NRGN: variants seen among roughly 807,000 people sequenced by gnomAD.
NRGN encodes the protein neurogranin, also known as calmodulin-binding protein.
For missense variants in NRGN, 82 were observed against 123.0 expected, an observed-to-expected ratio of 0.67 and a Z score of 1.58; for synonymous variants, 47 against 52.8, an observed-to-expected ratio of 0.89 and a Z score of 0.47.
rs745648248 is a variant in NRGN, at chr11:124,747,022, A to T, written c.*642A>T. ...GGCAGCCTCTCCAGCTCTCTTGTTTATGCAAACGCCGAGCGCCTGGGAGGC... is the reference window on the plus strand; with the variant it reads ...GGCAGCCTCTCCAGCTCTCTTGTTTTTGCAAACGCCGAGCGCCTGGGAGGC... On this transcript the variant is annotated 3_prime_UTR_variant, in exon 4 of 4. Coordinates refer to ENST00000284292, the MANE Select transcript of NRGN (RefSeq NM_006176.3). The T allele has an allele frequency of 3.3e-5, 5 of 152,922 alleles. No individual in the cohort carries two copies. The highest frequency in any genetic ancestry group is 1.2e-4 in the African/African-American group (5 of 41,336). The allele number at this position is 152,922 out of a possible 1,614,324, so 9.5% of individuals were successfully genotyped here. A position where few individuals can be genotyped will look rare whatever the true frequency, so the allele number is the denominator to read the frequency against.
chr11:124,747,015 CTT>C lies in NRGN; in HGVS notation c.*636_*637del, dbSNP rs1414531704. 6.5e-6 allele frequency: 1 copy of C among 153,168 alleles called. No homozygotes were observed. Among genetic ancestry groups the C allele is most frequent in the African/African-American group, 2.4e-5 (1 of 41,456 alleles). The allele number at this position is 153,168 out of a possible 1,614,324, so 9.5% of individuals were successfully genotyped here. ...TGTTGAGGGCAGCCTCTCCAGCTCT[CTT>C]GTTTATGCAAACGCCGAGCGCCTGG... On this transcript the variant is annotated 3_prime_UTR_variant, in exon 4 of 4. Coordinates refer to ENST00000284292, the MANE Select transcript of NRGN (RefSeq NM_006176.3).
chr11:124,745,141 G>A lies in NRGN; in HGVS notation c.16-362G>A, dbSNP rs1335823615. Among the ~76,000 whole-genome samples the A allele has an allele frequency of 1.3e-5, 2 of 151,998 alleles. No homozygotes were observed. Among genetic ancestry groups the A allele is most frequent in the East Asian group, 3.9e-4 (2 of 5,160 alleles). ...ACCCTCTGAGAGCAGGGGGACAGGC[G>A]GCCACTCCAGGAGTGCCTGCTGCTG... is the stretch of plus-strand genomic sequence containing the variant. On this transcript the variant is annotated intron_variant, in intron 1 of 3. Coordinates refer to ENST00000284292, the MANE Select transcript of NRGN (RefSeq NM_006176.3). This position sits in a 1 kb window ranked among gnomAD's most constrained non-coding sequence, Gnocchi z 6.4.
Position 124,740,118 on chromosome 11 carries a change from G to T in NRGN, c.15+19G>T. On this transcript the variant is annotated intron_variant, in intron 1 of 3. Coordinates refer to ENST00000284292, the MANE Select transcript of NRGN (RefSeq NM_006176.3). This position sits in a 1 kb window ranked among gnomAD's most constrained non-coding sequence, Gnocchi z 7.5. ...CTGCACCGTAAGTTAGAGGGCCCGGGGGAGGGGCACTTGGCGGGGTCCGCT... is the reference window on the plus strand; with the variant it reads ...CTGCACCGTAAGTTAGAGGGCCCGGTGGAGGGGCACTTGGCGGGGTCCGCT... The T allele has an allele frequency of 7.5e-7, 1 of 1,338,290 alleles. No individual in the cohort carries two copies. The highest frequency in any genetic ancestry group is 9.6e-7 in the Non-Finnish European group (1 of 1,036,698). The allele number at this position is 1,338,290 out of a possible 1,614,324, so 82.9% of individuals were successfully genotyped here.
intron 1 of NRGN, among the ~76,000 whole-genome samples, chr11:124,743,716 G>C (rs1238211910): frequency 1.3e-5 from 2 of 151,988 alleles, no homozygotes; most frequent in South Asian, 2.1e-4. Context: ...GTGGTCCTGG[G>C]GCAGAATCTG....
At position 124,740,001 on chromosome 11, in the gene NRGN, C is replaced by A. The variant is rs1565436584; in HGVS notation, c.-84C>A. On this transcript the variant is annotated 5_prime_UTR_variant, in exon 1 of 4. Transcript: ENST00000284292. The surrounding 1 kb of genome is among the most constrained non-coding windows in gnomAD (Gnocchi z 7.5). ...GCGGGTCGGCTGGCGGCCGACTGCC[C>A]CAGAGCCCCCACCCGGCACCACACA... 2 of 606,600 alleles carry A rather than the reference C, an allele frequency of 3.3e-6. No homozygotes were observed. Among genetic ancestry groups the A allele is most frequent in the Non-Finnish European group, 2.6e-6 (1 of 384,358 alleles). 37.6% of individuals were successfully genotyped at this position (606,600 alleles called of 1,614,324 possible).
chr11:124,743,902 G>GAAAAAAAAA (rs56291708), intron 1 of NRGN, among the ~76,000 whole-genome samples: 19 of 134,940 alleles, frequency 1.4e-4, no homozygotes, highest in South Asian at 4.6e-4. Context: ...TTCATGAAAA[G>GAAAAAAAAA]AAAAAAAAAA....
chr11:124,744,323 T>TTATG (rs1401803515), intron 1 of NRGN, among the ~76,000 whole-genome samples: 1 of 152,242 alleles, frequency 6.6e-6, no homozygotes, highest in Admixed American at 6.5e-5. Context: ...GCAAGAGACT[T>TTATG]TATGCATATC....
chr11:124,741,986 T>C (rs566359637), intron 1 of NRGN, among the ~76,000 whole-genome samples: 1 of 152,194 alleles, frequency 6.6e-6, no homozygotes, highest in African/African-American at 2.4e-5. Context: ...TACACAATTA[T>C]CTCCATGGCC....
In NRGN at chr11:124,739,989, C is replaced by T. The variant is rs934719296; in HGVS notation, c.-96C>T. ...TGCTGTTTCGGCGCGGGTCGGCTGG[C>T]GGCCGACTGCCCCAGAGCCCCCACC... On this transcript the variant is annotated 5_prime_UTR_variant, in exon 1 of 4. Transcript: ENST00000284292. The T allele has an allele frequency of 5.4e-5, 29 of 535,058 alleles. No individual in the cohort carries two copies. The highest frequency in any genetic ancestry group is 1.0e-3 in the Middle Eastern group (2 of 1,940). 33.1% of individuals were successfully genotyped at this position (535,058 alleles called of 1,614,324 possible).
intron 3 of NRGN, 127 bp downstream of exon 3, chr11:124,746,109 G>A (rs1463166462): frequency 1.2e-5 from 2 of 172,282 alleles, no homozygotes; most frequent in Admixed American, 6.3e-5. Flanking sequence ...TGCCCCTGCG[G>A]GTTTTCTGAT....
In NRGN at chr11:124,745,654, C is replaced by T. The variant is rs371189299; in HGVS notation, c.167C>T (p.Pro56Leu). Residue 56 changes from proline (P) to leucine (L), a missense_variant, in exon 2 of 4, where the codon CCG becomes CTG. By Grantham distance (98) the Pro-to-Leu change is moderately conservative. Transcript: ENST00000284292. The surrounding 1 kb of genome is among the most constrained non-coding windows in gnomAD (Gnocchi z 6.4). ...AGCGGAGAGCGCGGCCGGAAGGGCC[C>T]GGGCCCTGGGGGGCCTGGCGGAGCT... Reference protein sequence around the residue: ...IKSGERGRKGPGPGGPGGAGV... With the variant: ...IKSGERGRKGLGPGGPGGAGV... 13 of 1,539,440 alleles carry T rather than the reference C, an allele frequency of 8.4e-6. No homozygotes were observed. The highest frequency in any genetic ancestry group is 7.1e-5 in the African/African-American group (5 of 70,738).
In NRGN at chr11:124,740,481, C is replaced by G. The variant is rs1943958233; in HGVS notation, c.15+382C>G. ...GACTCCTTCCTCCCGTCTTTCGGCC[C>G]CCACCCCGTTCCCCATCCCACTGCG... On this transcript the variant is annotated intron_variant, in intron 1 of 3. Coordinates refer to ENST00000284292, the MANE Select transcript of NRGN (RefSeq NM_006176.3). This position sits in a 1 kb window ranked among gnomAD's most constrained non-coding sequence, Gnocchi z 7.5. Among the ~76,000 whole-genome samples the G allele has an allele frequency of 6.6e-6, 1 of 152,240 alleles. No individual in the cohort carries two copies. Among genetic ancestry groups the G allele is most frequent in the Non-Finnish European group, 1.5e-5 (1 of 68,040 alleles).
rs1214948424 is a variant in NRGN, at chr11:124,745,943, G to GC, written c.*6-18dup. On this transcript the variant is annotated intron_variant, in intron 2 of 3. Transcript: ENST00000284292. This position sits in a 1 kb window ranked among gnomAD's most constrained non-coding sequence, Gnocchi z 6.4. ...TTTCTCCCTCTGCATCCTCCCTTCTGCCCCGCCCTGGACCGAAGAAGAACT... is the reference window on the plus strand; with the variant it reads ...TTTCTCCCTCTGCATCCTCCCTTCTGCCCCCGCCCTGGACCGAAGAAGAACT... 5 of 366,054 alleles carry GC rather than the reference G, an allele frequency of 1.4e-5. No individual in the cohort carries two copies. The highest frequency in any genetic ancestry group is 4.9e-6 in the Non-Finnish European group (1 of 205,864). 22.7% of individuals were successfully genotyped at this position (366,054 alleles called of 1,614,324 possible).
chr11:124,744,307 G>A (rs991371094), intron 1 of NRGN, among the ~76,000 whole-genome samples: 1 of 152,256 alleles, frequency 6.6e-6, no homozygotes, highest in African/African-American at 2.4e-5. Flanking sequence ...TGAGCAGCTA[G>A]GTTGTGCAAG....
chr11:124,745,754 C>CT lies in NRGN; in HGVS notation c.*5+26dup, dbSNP rs1333556169. ...GGTGAGGCGGGCGGCGCGCGGCTGGCTGACAGCTGCCCTTCCCCAGCCCTC... is the reference window on the plus strand; with the variant it reads ...GGTGAGGCGGGCGGCGCGCGGCTGGCTTGACAGCTGCCCTTCCCCAGCCCTC... On this transcript the variant is annotated intron_variant, in intron 2 of 3. Transcript: ENST00000284292. This position sits in a 1 kb window ranked among gnomAD's most constrained non-coding sequence, Gnocchi z 6.4. The CT allele has an allele frequency of 4.1e-6, 5 of 1,211,224 alleles. No homozygotes were observed. Among genetic ancestry groups the CT allele is most frequent in the Non-Finnish European group, 5.3e-6 (5 of 943,302 alleles). The allele number at this position is 1,211,224 out of a possible 1,614,324, so 75.0% of individuals were successfully genotyped here. A position where few individuals can be genotyped will look rare whatever the true frequency, so the allele number is the denominator to read the frequency against.
At chr11:124,744,431 C>T (rs189081172) in intron 1 of NRGN, among the ~76,000 whole-genome samples, 3 of 152,084 alleles carry the variant, frequency 2.0e-5, no homozygotes, top group African/African-American at 4.8e-5. Flanking sequence ...GATAACTTGC[C>T]GAAGGCCACA....
In NRGN at chr11:124,745,408, C is replaced by A; in HGVS notation, c.16-95C>A. On this transcript the variant is annotated intron_variant, in intron 1 of 3. Transcript: ENST00000284292. This position sits in a 1 kb window ranked among gnomAD's most constrained non-coding sequence, Gnocchi z 6.4. The stretch of plus-strand genomic sequence containing the variant: ...CTCTCTGTACCTCCCACCCCCGCGT[C>A]GCCATAGTCCCTGTCCCTCAGGGCT... 1.2e-6 allele frequency: 1 copy of A among 836,696 alleles called. No individual in the cohort carries two copies. The allele number at this position is 836,696 out of a possible 1,614,324, so 51.8% of individuals were successfully genotyped here. A position where few individuals can be genotyped will look rare whatever the true frequency, so the allele number is the denominator to read the frequency against.
Position 124,740,365 on chromosome 11 carries a change from G to C in NRGN, c.15+266G>C, listed in dbSNP as rs1232515560. The stretch of plus-strand genomic sequence containing the variant: ...CTAGGCTGGACTGGGAGCTCGGCAG[G>C]GCTCTGCAAGAGGGGAACTGCGGGT... On this transcript the variant is annotated intron_variant, in intron 1 of 3. Transcript: ENST00000284292. The surrounding 1 kb of genome is among the most constrained non-coding windows in gnomAD (Gnocchi z 7.5). Among the ~76,000 whole-genome samples the C allele has an allele frequency of 6.6e-6, 1 of 152,238 alleles. No homozygotes were observed. Among genetic ancestry groups the C allele is most frequent in the African/African-American group, 2.4e-5 (1 of 41,468 alleles).
rs778497656 is a variant in NRGN at position 124,745,485 on chromosome 11, C to T, written c.16-18C>T. The T allele has an allele frequency of 2.8e-5, 43 of 1,557,228 alleles. No individual in the cohort carries two copies. Among genetic ancestry groups the T allele is most frequent in the Non-Finnish European group, 3.6e-5 (42 of 1,152,310 alleles). On this transcript the variant is annotated intron_variant, in intron 1 of 3. Transcript: ENST00000284292. The surrounding 1 kb of genome is among the most constrained non-coding windows in gnomAD (Gnocchi z 6.4). ...AAGACCCAGTGACCCCACAAGAACC[C>T]CCCTGCTTCGCCCCCAGGAGAACGC...
Sources: allele counts gnomAD v4.1 joint callset (sites outside exome capture counted in the v4.1 genomes callset), GRCh38; gene constraint gnomAD v4.1.1; non-coding constraint Gnocchi (gnomAD v3.1); transcripts MANE v1.5; gene names NCBI Gene and HGNC (gene_info 2026-07-23, HGNC 2026-07-21).